The following GRK3 variants were observed in gnomAD, a reference collection of about 807,000 sequenced individuals.
The protein encoded by GRK3 is adrenergic, beta, receptor kinase 2.
In GRK3, 54 loss-of-function variants were observed where a neutral mutation model predicts 95.7. That is an observed-to-expected ratio of 0.56 (90% CI 0.45 to 0.71). The LOEUF (loss-of-function observed/expected upper bound fraction) is 0.71, where lower values mean the gene tolerates loss of function less well. Ranked by LOEUF, GRK3 falls within the 30% of genes least tolerant of loss-of-function variation. The pLI is 0.00. For missense variants in GRK3, 649 were observed against 851.2 expected (o/e 0.76, Z 2.96); for synonymous variants, 281 against 290.8 (o/e 0.97, Z 0.34).
At chr22:25,653,702 C>CT (rs929641310) in intron 3 of GRK3, among the ~76,000 whole-genome samples, 2 of 151,500 alleles carry the variant, frequency 1.3e-5, no homozygotes, top group South Asian at 2.1e-4. Flanking sequence ...AATTCACATT[C>CT]TTTTTTTTTG....
Position 25,704,291 on chromosome 22 carries a change from C to T in GRK3, c.1328+82C>T. 4.1e-6 allele frequency: 4 copies of T among 979,800 alleles called. No individual in the cohort carries two copies. In the South Asian group the frequency reaches 6.5e-5, roughly 16 times the overall value. The allele number at this position is 979,800 out of a possible 1,614,324, so 60.7% of individuals were successfully genotyped here. A position where few individuals can be genotyped will look rare whatever the true frequency, so the allele number is the denominator to read the frequency against. On this transcript the variant is annotated intron_variant, in intron 15 of 20. Coordinates refer to ENST00000324198, the MANE Select transcript of GRK3 (RefSeq NM_005160.4). ...TAAATACTGTCTATCAAAAGTCATC[C>T]CTAGTCATTAAAATCTTCCATTTTG...
At chr22:25,621,216 A>G (rs939884992) in intron 2 of GRK3, among the ~76,000 whole-genome samples, 1 of 152,256 alleles carries the variant, frequency 6.6e-6, no homozygotes, top group Admixed American at 6.5e-5. Flanking sequence ...GTGGTGTGGT[A>G]GGTAATTTCC....
At chr22:25,668,027 A>G (rs911501309) in intron 6 of GRK3, among the ~76,000 whole-genome samples, 2 of 152,178 alleles carry the variant, frequency 1.3e-5, no homozygotes, top group African/African-American at 4.8e-5. Context: ...CTCAGCTTCA[A>G]TAGAGTCTAA....
intron 1 of GRK3, among the ~76,000 whole-genome samples, chr22:25,591,176 CAACTCACAG>C (rs1357163836): frequency 6.6e-6 from 1 of 152,146 alleles, no homozygotes; most frequent in East Asian, 1.9e-4. Context: ...GTCACTAGAA[CAACTCACAG>C]AACTCAGGAA....
At chr22:25,644,415 C>T (rs956882026) in intron 2 of GRK3, among the ~76,000 whole-genome samples, 177 bp from the exon 3 acceptor site, 3 of 151,640 alleles carry the variant, frequency 2.0e-5, no homozygotes, top group African/African-American at 7.3e-5. Flanking sequence ...TATTTTTCTG[C>T]CTGGAGTATT....
chr22:25,697,548 G>C (rs367942436), intron 13 of GRK3, among the ~76,000 whole-genome samples: 5 of 152,202 alleles, frequency 3.3e-5, no homozygotes, highest in South Asian at 4.1e-4. Context: ...GAAATAGCTA[G>C]AAATGATGGC....
chr22:25,629,445 C>T (rs959136015), intron 2 of GRK3, among the ~76,000 whole-genome samples: 5 of 152,158 alleles, frequency 3.3e-5, no homozygotes, highest in African/African-American at 1.2e-4. Context: ...CCACCATCAC[C>T]CCAAAGGCAA....
intron 2 of GRK3, among the ~76,000 whole-genome samples, chr22:25,605,074 T>G (rs1199376931): frequency 1.3e-5 from 2 of 152,256 alleles, no homozygotes; most frequent in African/African-American, 4.8e-5. Context: ...TAGTTACCAG[T>G]AGAAGCTGGT....
Position 25,570,272 on chromosome 22 carries a change from G to C in GRK3, c.113+5119G>C, listed in dbSNP as rs566114825. Among the ~76,000 whole-genome samples the C allele has an allele frequency of 3.3e-5, 5 of 152,178 alleles. No homozygotes were observed. The East Asian group carries it at 9.7e-4, about 29-fold the overall frequency. On this transcript the variant is annotated intron_variant, in intron 1 of 20. Transcript: ENST00000324198. ...TGTTTAACACAAGTCATGCAATCTT[G>C]CTGGTGTTAATGAGAAATTGTGTAA...
intron 2 of GRK3, among the ~76,000 whole-genome samples, chr22:25,609,845 CTTTTTT>C (rs980049696): frequency 7.8e-6 from 1 of 127,858 alleles, no homozygotes; most frequent in Non-Finnish European, 1.7e-5. Context: ...GCAATTTTTA[CTTTTTT>C]TTTTTTTTTT....
intron 10 of GRK3, among the ~76,000 whole-genome samples, chr22:25,685,876 T>C (rs1299754214): frequency 2.0e-5 from 3 of 152,072 alleles, no homozygotes; most frequent in Non-Finnish European, 4.4e-5. Flanking sequence ...AGTTTTTTTT[T>C]TTTTTTTTTA....
At chr22:25,602,099 A>T (rs1314641357) in intron 1 of GRK3, among the ~76,000 whole-genome samples, 3 of 152,232 alleles carry the variant, frequency 2.0e-5, no homozygotes, top group Non-Finnish European at 4.4e-5. Flanking sequence ...TTATTTCTGG[A>T]CTAAATAAAG....
At chr22:25,664,068 G>C (rs1433809606) in intron 5 of GRK3, among the ~76,000 whole-genome samples, 2 of 152,202 alleles carry the variant, frequency 1.3e-5, no homozygotes, top group African/African-American at 4.8e-5. Flanking sequence ...CCAGGCTGTT[G>C]ATACTTGCTG....
intron 3 of GRK3, among the ~76,000 whole-genome samples, chr22:25,645,450 A>T (rs558133539): frequency 6.6e-6 from 1 of 152,320 alleles, no homozygotes; most frequent in East Asian, 1.9e-4. Flanking sequence ...TAAAAATAAC[A>T]CTAGAGGAGC....
At chr22:25,649,579 A>T (rs2084813239) in intron 3 of GRK3, among the ~76,000 whole-genome samples, 1 of 152,228 alleles carries the variant, frequency 6.6e-6, no homozygotes, top group Non-Finnish European at 1.5e-5. Context: ...AAAGAAAATT[A>T]TTTATTGTTA....
At chr22:25,578,364 T>C (rs1195169711) in intron 1 of GRK3, among the ~76,000 whole-genome samples, 1 of 152,172 alleles carries the variant, frequency 6.6e-6, no homozygotes, top group Non-Finnish European at 1.5e-5. Context: ...AGAAGGGGTT[T>C]CCACTGGCTA....
chr22:25,656,620 A>C lies in GRK3; in HGVS notation c.265-4956A>C, dbSNP rs958972753. Among the ~76,000 whole-genome samples, 9 of 151,900 alleles carry C rather than the reference A, an allele frequency of 5.9e-5. No homozygotes were observed. In the South Asian group the frequency reaches 1.7e-3, roughly 28 times the overall value. ...GGGATTATAGGCATGAGCTACTACT[A>C]CTCCTGGCATAACCAATATTTATTA... On this transcript the variant is annotated intron_variant, in intron 3 of 20. Transcript: ENST00000324198.
chr22:25,659,155 A>G (rs759616237), intron 3 of GRK3, among the ~76,000 whole-genome samples: 1 of 152,152 alleles, frequency 6.6e-6, no homozygotes, highest in Non-Finnish European at 1.5e-5. Flanking sequence ...GAAGTCAAGC[A>G]GAGGAGAGGA....
rs200793260 is a variant in GRK3, at chr22:25,620,532, T to TA, written c.190+16085dup. 7.3e-3 allele frequency among the ~76,000 whole-genome samples: 1,109 copies of TA among 152,290 alleles called. 12 individuals carry two copies. The highest frequency in any genetic ancestry group is 0.025 in the African/African-American group (1,030 of 41,564). On this transcript the variant is annotated intron_variant, in intron 2 of 20. Coordinates refer to ENST00000324198, the MANE Select transcript of GRK3 (RefSeq NM_005160.4). The stretch of plus-strand genomic sequence containing the variant: ...ACAAGAAGCTTTTCCCAAGAGGCTT[T>TA]AAAAAATGAAAACTTCCCAAAACTT...
Sources: gnomAD v4.1 joint callset for allele counts (sites outside exome capture counted in the v4.1 genomes callset) on GRCh38, gnomAD v4.1.1 for gene constraint, MANE v1.5 for transcripts, NCBI Gene and HGNC (gene_info 2026-07-23, HGNC 2026-07-21) for gene names.